Variants in GPC4 observed in about 807,000 individuals in gnomAD.
GPC4 encodes the protein glypican-4.
Under a neutral mutation model 35.0 loss-of-function variants are expected in GPC4, and 10 were observed. The ratio of observed to expected loss-of-function variants is 0.29; its 90% CI spans 0.18 to 0.48. The LOEUF (loss-of-function observed/expected upper bound fraction) is 0.48. Ranked by LOEUF, GPC4 falls within the 20% of genes least tolerant of loss-of-function variation. GPC4 has a pLI of 0.99. For missense variants in GPC4, 322 were observed against 451.3 expected (o/e 0.71, Z 2.60); for synonymous variants, 167 against 170.2 (o/e 0.98, Z 0.15).
chrX:133,343,171 G>T (rs1403548741), intron 1 of GPC4, among the ~76,000 whole-genome samples: 1 of 112,089 alleles, frequency 8.9e-6, no homozygotes, highest in Non-Finnish European at 1.9e-5. Flanking sequence ...ATTGTTGTCA[G>T]AAAGGCTTCT....
intron 3 of GPC4, among the ~76,000 whole-genome samples, chrX:133,317,047 C>A (rs1371129491): frequency 9.0e-6 from 1 of 111,665 alleles, no homozygotes; most frequent in East Asian, 2.8e-4. Flanking sequence ...AAGGGAATAT[C>A]ATCTGGACTG....
intron 1 of GPC4, among the ~76,000 whole-genome samples, chrX:133,355,356 G>A (rs1390447120): frequency 6.3e-5 from 7 of 111,742 alleles, no homozygotes; most frequent in Non-Finnish European, 9.4e-5. Context: ...CCATTTGGCC[G>A]AATGACTTGG....
At chrX:133,305,966 G>C (rs1351986305) in intron 5 of GPC4, 48 bp from the exon 6 acceptor site, 6 of 1,207,926 alleles carry the variant, frequency 5.0e-6, no homozygotes, top group Non-Finnish European at 6.7e-6. Flanking sequence ...CTCCCAAGGC[G>C]GGAGGCGGAG....
chrX:133,368,880 A>G (rs1262864442), intron 1 of GPC4, among the ~76,000 whole-genome samples: 1 of 111,122 alleles, frequency 9.0e-6, no homozygotes, highest in Admixed American at 9.6e-5. Flanking sequence ...TCCTGACCTC[A>G]GGTGATCTGC....
rs60038940 is a variant in GPC4, at chrX:133,413,630, G to GC, written c.160+1175dup. Among the ~76,000 whole-genome samples the GC allele has an allele frequency of 1.4e-3, 146 of 103,273 alleles. 2 individuals are homozygous for GC. The highest frequency in any genetic ancestry group is 4.2e-3 in the East Asian group (13 of 3,119). The allele number at this position is 103,273 out of a possible 115,157, so 89.7% of individuals were successfully genotyped here. ...ATGAAAGGTTCGGAGTGGAGGCTCA[G>GC]CCCCCCCCCCGGGCTCGAATCTCTC... On this transcript the variant is annotated intron_variant, in intron 1 of 8. Transcript: ENST00000370828.
At chrX:133,395,132 T>C (rs938932625) in intron 1 of GPC4, among the ~76,000 whole-genome samples, 16 of 111,586 alleles carry the variant, frequency 1.4e-4, no homozygotes, top group Admixed American at 5.8e-4. Context: ...CTCCACTCCA[T>C]CCTCCATCTT....
chrX:133,411,558 G>A (rs1222587109), intron 1 of GPC4, among the ~76,000 whole-genome samples: 1 of 110,824 alleles, frequency 9.0e-6, no homozygotes, highest in African/African-American at 3.3e-5. Flanking sequence ...CTCCCTTCTC[G>A]TCATCTGTAT....
chrX:133,311,166 C>T (rs889043806), intron 4 of GPC4, 92 bp downstream of exon 4: 7 of 959,531 alleles, frequency 7.3e-6, no homozygotes, highest in Non-Finnish European at 8.7e-6. Context: ...AACACTTAAA[C>T]AAACAAATTT....
At chrX:133,414,601 G>T (rs934298223) in intron 1 of GPC4, 2 of 754,385 alleles carry the variant, frequency 2.7e-6, no homozygotes, top group African/African-American at 2.3e-5. Flanking sequence ...TGCTGGGAAG[G>T]GGGGAGCGCT....
intron 1 of GPC4, among the ~76,000 whole-genome samples, chrX:133,395,166 T>C (rs1444987130): frequency 8.9e-6 from 1 of 111,834 alleles, no homozygotes; most frequent in Non-Finnish European, 1.9e-5. Context: ...TTACATTAAA[T>C]GGGTTAATCT....
chrX:133,318,143 CT>C (rs1183194581), intron 3 of GPC4, among the ~76,000 whole-genome samples: 5 of 111,750 alleles, frequency 4.5e-5, no homozygotes, highest in Non-Finnish European at 7.5e-5. Context: ...ATCCTCACCC[CT>C]TCCCCACTCC....
At chrX:133,407,353 CCATCTA>C (rs2068793414) in intron 1 of GPC4, among the ~76,000 whole-genome samples, 1 of 111,560 alleles carries the variant, frequency 9.0e-6, no homozygotes, top group Non-Finnish European at 1.9e-5. Context: ...GTAAACTACT[CCATCTA>C]CAACAGTGGA....
intron 1 of GPC4, among the ~76,000 whole-genome samples, chrX:133,376,952 T>A (rs1051646284): frequency 1.8e-5 from 2 of 111,879 alleles, no homozygotes; most frequent in Non-Finnish European, 3.8e-5. Flanking sequence ...TCAGAGCAAC[T>A]GGACAAGCAG....
chrX:133,378,660 G>C (rs2068647268), intron 1 of GPC4, among the ~76,000 whole-genome samples: 1 of 109,619 alleles, frequency 9.1e-6, no homozygotes, highest in African/African-American at 3.3e-5. Flanking sequence ...TGATCCTACT[G>C]CCTATGGATT....
intron 3 of GPC4, among the ~76,000 whole-genome samples, chrX:133,312,882 G>A (rs2068322393): frequency 9.0e-6 from 1 of 111,351 alleles, no homozygotes; most frequent in African/African-American, 3.3e-5. Flanking sequence ...ATTATTTGGG[G>A]TGTAGAAGAG....
intron 1 of GPC4, among the ~76,000 whole-genome samples, chrX:133,359,718 T>C (rs2068558335): frequency 9.0e-6 from 1 of 110,909 alleles, no homozygotes; most frequent in Non-Finnish European, 1.9e-5. Context: ...CTAGATCAAA[T>C]AGTGGTAAAC....
intron 1 of GPC4, among the ~76,000 whole-genome samples, chrX:133,356,643 G>C (rs188681354): frequency 9.0e-5 from 10 of 111,334 alleles, no homozygotes; most frequent in East Asian, 8.5e-4. Flanking sequence ...CTTCCACCAT[G>C]AGTGAACGCT....
intron 1 of GPC4, among the ~76,000 whole-genome samples, chrX:133,395,887 C>A (rs1362450889): frequency 9.1e-6 from 1 of 110,274 alleles, no homozygotes; most frequent in South Asian, 3.9e-4. Flanking sequence ...TAAAAGAAAA[C>A]AAATATTAGG....
intron 1 of GPC4, among the ~76,000 whole-genome samples, chrX:133,346,367 A>C (rs2068491326): frequency 9.0e-6 from 1 of 111,539 alleles, no homozygotes; most frequent in African/African-American, 3.3e-5. Flanking sequence ...TTCTTTTAAC[A>C]AACTTTTCTT....
Sources: gnomAD v4.1 joint callset for allele counts (sites outside exome capture counted in the v4.1 genomes callset) on GRCh38, gnomAD v4.1.1 for gene constraint, MANE v1.5 for transcripts, NCBI Gene and HGNC (gene_info 2026-07-23, HGNC 2026-07-21) for gene names.